The following COPB2 variants were observed in gnomAD, a reference collection of about 807,000 sequenced individuals.
COPB2 encodes the protein coat protein complex I subunit beta 2.
In COPB2, 16 loss-of-function variants were observed where a neutral mutation model predicts 120.8. The ratio of observed to expected loss-of-function variants is 0.13; its 90% CI spans 0.09 to 0.20. COPB2 has a LOEUF of 0.20. Among genes scored for constraint, COPB2 ranks in the 10% least tolerant of loss-of-function variants. The pLI is 1.00. For synonymous variants in COPB2, 332 were observed against 366.3 expected (o/e 0.91, Z 1.07); for missense variants, 794 against 1,076.5 (o/e 0.74, Z 3.67).
At chr3:139,379,352 G>A (rs775335202) in intron 3 of COPB2, 28 bp downstream of exon 3, 2 of 1,601,110 alleles carry the variant, frequency 1.2e-6, no homozygotes, top group South Asian at 1.1e-5. Context: ...TCAGAAAATG[G>A]GAATAGAGAT....
chr3:139,358,242 A>G lies in COPB2; in HGVS notation c.2583T>C (p.Thr861=). The part of the protein sequence containing the change: ...QELDGKPASP[T]PVIVASHTAN... ...CTGTGTGGGAGGCCACAATAACCGG[A>G]GTAGGAGAAGCAGGTTTCCCATCAA... Residue 861 remains threonine (T), a synonymous_variant, in exon 21 of 22, where the codon ACT becomes ACC. Transcript: ENST00000333188. 6.2e-7 allele frequency: 1 copy of G among 1,614,050 alleles called. No individual in the cohort carries two copies. Among genetic ancestry groups the G allele is most frequent in the Non-Finnish European group, 8.5e-7 (1 of 1,179,984 alleles).
Position 139,373,774 on chromosome 3 carries a change from C to T in COPB2, c.786G>A (p.Arg262=). ...TVRIWHSSTY[R]LESTLNYGME... Reference sequence around the variant, plus strand: ...TTCCATAATTCAGTGTGCTCTCAAGCCGGTAGGTGCTTGAATGCCAAATAC... The same window carrying T: ...TTCCATAATTCAGTGTGCTCTCAAGTCGGTAGGTGCTTGAATGCCAAATAC... The change falls in exon 8 of 22, where the codon CGG becomes CGA. Residue 262 remains arginine, a synonymous_variant. Coordinates refer to ENST00000333188, the MANE Select transcript of COPB2 (RefSeq NM_004766.3). 1 of 1,614,114 alleles carries T rather than the reference C, an allele frequency of 6.2e-7. No homozygotes were observed. Among genetic ancestry groups the T allele is most frequent in the Non-Finnish European group, 8.5e-7 (1 of 1,179,984 alleles).
Position 139,359,058 on chromosome 3 carries a change from T to A in COPB2, c.2424A>T (p.Glu808Asp). 1 of 1,614,156 alleles carries A rather than the reference T, an allele frequency of 6.2e-7. No homozygotes were observed. Residue 808 changes from glutamate to aspartate, a missense_variant, in exon 19 of 22, where the codon GAA becomes GAT. By Grantham distance (45) the Glu-to-Asp change is conservative. Transcript: ENST00000333188. ...CAGCATGTGTTTCCTTCACCCATTC[T>A]TCAACAACAAAGGCTTCTTTTAATC... ...FPGLKEAFVVEEWVKETHADL... is the reference protein window; with the variant it reads ...FPGLKEAFVVDEWVKETHADL...
At chr3:139,378,671 T>G (rs1349797897) in intron 4 of COPB2, among the ~76,000 whole-genome samples, 1 of 152,250 alleles carries the variant, frequency 6.6e-6, no homozygotes, top group African/African-American at 2.4e-5. Context: ...AGAGGTCTAC[T>G]ATTTATACAC....
rs1295062420 is a variant in COPB2, at chr3:139,375,516, G to A, written c.603C>T (p.Tyr201=). 6.2e-7 allele frequency: 1 copy of A among 1,613,798 alleles called. No individual in the cohort carries two copies. Among genetic ancestry groups the A allele is most frequent in the Non-Finnish European group, 8.5e-7 (1 of 1,179,812 alleles). Residue 201 remains tyrosine (Y), a synonymous_variant, in exon 6 of 22, where the codon TAC becomes TAT. Transcript: ENST00000333188. ...IDYYSGGDKP[Y]LISGADDRLV... ...GACGGTCATCTGCACCTGAAATGAGGTATGGCTTGTCCCCACCACTGTAGT... is the reference window on the plus strand; with the variant it reads ...GACGGTCATCTGCACCTGAAATGAGATATGGCTTGTCCCCACCACTGTAGT...
intron 5 of COPB2, among the ~76,000 whole-genome samples, chr3:139,377,192 C>T (rs893029344): frequency 8.5e-5 from 13 of 152,138 alleles, no homozygotes; most frequent in Non-Finnish European, 1.8e-4. Context: ...TTCTATCCCC[C>T]AAATCCAGTA....
intron 8 of COPB2, 73 bp from the exon 9 acceptor site, chr3:139,373,485 T>C (rs1941660227): frequency 6.4e-7 from 1 of 1,558,180 alleles, no homozygotes; most frequent in African/African-American, 1.4e-5. Context: ...AGATTATTTT[T>C]TTCACCTAAC....
intron 5 of COPB2, among the ~76,000 whole-genome samples, chr3:139,377,179 A>G (rs370941833): frequency 1.3e-5 from 2 of 152,356 alleles, no homozygotes; most frequent in African/African-American, 4.8e-5. Context: ...GGAGTGACAC[A>G]GTTTCTATCC....
At position 139,357,940 on chromosome 3, in the gene COPB2, C is replaced by G. The variant is rs778943754; in HGVS notation, c.2644G>C (p.Val882Leu). The change falls in exon 22 of 22, where the codon GTA becomes CTA. Residue 882 changes from valine (V) to leucine (L), a missense_variant. Transcript: ENST00000333188. ...TCTAATTCCAAATTATCCAAATCTA[C>G]TTCTAGTTCGAGTAAACTCTGCAGA... The part of the protein sequence containing the change: ...KEEKSLLELE[V>L]DLDNLELEDI... The G allele has an allele frequency of 1.9e-6, 3 of 1,591,112 alleles. No homozygotes were observed. The African/African-American group carries it at 4.0e-5, about 21-fold the overall frequency.
At position 139,387,208 on chromosome 3, in the gene COPB2, CAAGAAAGA is replaced by C. The variant is rs200834068; in HGVS notation, c.3+2332_3+2339del. Among the ~76,000 whole-genome samples, 42 of 144,850 alleles carry C rather than the reference CAAGAAAGA, an allele frequency of 2.9e-4. No homozygotes were observed. In the East Asian group the frequency reaches 3.0e-3, roughly 10 times the overall value. ...CCTGGGCGACAGAGTGAGATTCTGT[CAAGAAAGA>C]AAGAAAGAAAGAAAGAAGGAAAGAA... On this transcript the variant is annotated intron_variant, in intron 1 of 21. Coordinates refer to ENST00000333188, the MANE Select transcript of COPB2 (RefSeq NM_004766.3).
rs1045527752 is a variant in COPB2, at chr3:139,376,894, C to T, written c.504+1147G>A. Among the ~76,000 whole-genome samples the T allele has an allele frequency of 5.9e-5, 9 of 152,150 alleles. 1 individual carries two copies. Among genetic ancestry groups the T allele is most frequent in the African/African-American group, 1.4e-4 (6 of 41,452 alleles). ...CCTCCCGAGTAGATGGGGCTACAGG[C>T]GCCTGCCACCACACCCAGCTAATTT... On this transcript the variant is annotated intron_variant, in intron 5 of 21. Coordinates refer to ENST00000333188, the MANE Select transcript of COPB2 (RefSeq NM_004766.3).
chr3:139,358,225 G>C lies in COPB2; in HGVS notation c.2600C>G (p.Ser867Cys). 1 of 1,614,152 alleles carries C rather than the reference G, an allele frequency of 6.2e-7. No homozygotes were observed. Among genetic ancestry groups the C allele is most frequent in the African/African-American group, 1.3e-5 (1 of 75,030 alleles). Residue 867 changes from serine (S) to cysteine (C), a missense_variant, in exon 21 of 22, where the codon TCC becomes TGC. Physicochemically the swap from Ser to Cys is moderately radical, Grantham distance 112 (BLOSUM62 -1). Around this residue, in one of 3 missense-constraint regions of COPB2, gnomAD observed 178 missense variants for 183.2 expected, o/e 0.97. Transcript: ENST00000333188. ...PASPTPVIVA[S>C]HTANKEEKSL... ...CTTTTCTTCTTTGTTGGCTGTGTGG[G>C]AGGCCACAATAACCGGAGTAGGAGA...
chr3:139,361,744 C>T (rs1941423454), intron 16 of COPB2, among the ~76,000 whole-genome samples: 4 of 152,158 alleles, frequency 2.6e-5, no homozygotes, highest in South Asian at 4.1e-4. Flanking sequence ...ATGATCTTAA[C>T]GTAGCTAAAA....
At chr3:139,372,602 G>T (rs9860201) in intron 9 of COPB2, among the ~76,000 whole-genome samples, 1 of 151,912 alleles carries the variant, frequency 6.6e-6, no homozygotes, top group African/African-American at 2.4e-5. Context: ...TATATCTTTT[G>T]TCTTTTTCAA....
Position 139,359,155 on chromosome 3 carries a change from T to G in COPB2, c.2327A>C (p.Asn776Thr), listed in dbSNP as rs761916718. Residue 776 changes from asparagine to threonine, a missense_variant, in exon 19 of 22, where the codon AAT (asparagine) becomes ACT (threonine). Asn to Thr is a moderately conservative substitution (Grantham distance 65, BLOSUM62 0). Coordinates refer to ENST00000333188, the MANE Select transcript of COPB2 (RefSeq NM_004766.3). ...VSRVVKLWRE[N>T]LSKVNQKAAE... ...TGCTTTCTGATTGACTTTTGAGAGA[T>G]TCTCTCTCCAGAGTTTCACTACCCT... 1.2e-6 allele frequency: 2 copies of G among 1,613,684 alleles called. No homozygotes were observed. The highest frequency in any genetic ancestry group is 2.2e-5 in the South Asian group (2 of 90,988).
chr3:139,387,795 T>C (rs1172912632), intron 1 of COPB2, among the ~76,000 whole-genome samples: 1 of 152,198 alleles, frequency 6.6e-6, no homozygotes, highest in Non-Finnish European at 1.5e-5. Context: ...TCTTTCAAGT[T>C]TGACTTATGT....
At chr3:139,359,867 G>A (rs547208306) in intron 17 of COPB2, among the ~76,000 whole-genome samples, 12 of 151,800 alleles carry the variant, frequency 7.9e-5, no homozygotes, top group African/African-American at 2.9e-4. Context: ...TTGGATTTTC[G>A]AAAGGTGATA....
At chr3:139,374,130 T>C in intron 7 of COPB2, 1 of 424,296 alleles carries the variant, frequency 2.4e-6, no homozygotes, top group Non-Finnish European at 4.2e-6. Context: ...AGCAGATATA[T>C]ATGTTTCCAT....
chr3:139,374,181 C>A, intron 7 of COPB2: 1 of 419,306 alleles, frequency 2.4e-6, no homozygotes. Context: ...CATAACAGAG[C>A]CTGATTTTGA....
Sources: gnomAD v4.1 joint callset for allele counts (sites outside exome capture counted in the v4.1 genomes callset) on GRCh38, gnomAD v4.1.1 for gene constraint, gnomAD v4.1.1 regional missense constraint, MANE v1.5 for transcripts, NCBI Gene and HGNC (gene_info 2026-07-23, HGNC 2026-07-21) for gene names.